The following CEP350 variants were observed in gnomAD, a reference collection of about 807,000 sequenced individuals.
The protein encoded by CEP350 is centrosome-associated protein 350.
A neutral mutation model predicts 331.8 loss-of-function variants in CEP350; 126 were observed. The observed-to-expected ratio is 0.38, with a 90% CI of 0.33 to 0.44. The LOEUF is 0.44. CEP350 is among the 20% of genes least tolerant of loss of function. The pLI is 1.00. For synonymous variants in CEP350, 1,200 were observed against 1,259.5 expected, an observed-to-expected ratio of 0.95 and a Z score of 1.00; for missense variants, 3,406 against 3,634.6, an observed-to-expected ratio of 0.94 and a Z score of 1.62.
At chr1:179,975,231 A>C (rs556586547) in intron 1 of CEP350, among the ~76,000 whole-genome samples, 1 of 152,278 alleles carries the variant, frequency 6.6e-6, no homozygotes, top group South Asian at 2.1e-4. Flanking sequence ...TCGACAGGAA[A>C]GTAGTTATAC....
At chr1:179,995,778 G>A (rs1434016975) in intron 5 of CEP350, among the ~76,000 whole-genome samples, 1 of 152,146 alleles carries the variant, frequency 6.6e-6, no homozygotes, top group Non-Finnish European at 1.5e-5. Flanking sequence ...TTCTAGATAC[G>A]CTTTACAAAG....
chr1:180,001,814 G>A (rs544544234), intron 6 of CEP350, among the ~76,000 whole-genome samples: 12 of 152,276 alleles, frequency 7.9e-5, no homozygotes, highest in African/African-American at 2.6e-4. Flanking sequence ...TAAATCTGGA[G>A]AAGGGTAGTT....
At chr1:179,986,033 T>G (rs1412222835) in intron 1 of CEP350, 136 bp from the exon 2 acceptor site, 12 of 630,716 alleles carry the variant, frequency 1.9e-5, no homozygotes. Context: ...TTATTTTGTG[T>G]GTTTTTGATA....
Position 179,954,892 on chromosome 1 carries a change from G to A in CEP350, c.-264G>A. On this transcript the variant is annotated 5_prime_UTR_variant, in exon 1 of 38. Transcript: ENST00000367607. ...GGAGCGGGGCCAGACCTGCGCCAGA[G>A]AGAACTGCAGGGAGCCGCAGCTCGG... 1 of 534,036 alleles carries A rather than the reference G, an allele frequency of 1.9e-6. No individual in the cohort carries two copies. Among genetic ancestry groups the A allele is most frequent in the Non-Finnish European group, 3.0e-6 (1 of 335,594 alleles). The allele number at this position is 534,036 out of a possible 1,614,324, so 33.1% of individuals were successfully genotyped here. A position where few individuals can be genotyped will look rare whatever the true frequency, so the allele number is the denominator to read the frequency against.
chr1:179,955,024 C>G lies in CEP350; in HGVS notation c.-132C>G, dbSNP rs1205944696. 1 of 1,331,704 alleles carries G rather than the reference C, an allele frequency of 7.5e-7. No homozygotes were observed. The highest frequency in any genetic ancestry group is 9.6e-7 in the Non-Finnish European group (1 of 1,040,380). 82.5% of individuals were successfully genotyped at this position (1,331,704 alleles called of 1,614,324 possible). ...GTGCGAGGAGGGCACCCGGTGCGTCCCCGGAGCGGGGAGGCCAGGCCGGGC... is the reference window on the plus strand; with the variant it reads ...GTGCGAGGAGGGCACCCGGTGCGTCGCCGGAGCGGGGAGGCCAGGCCGGGC... On this transcript the variant is annotated 5_prime_UTR_variant, in exon 1 of 38. Coordinates refer to ENST00000367607, the MANE Select transcript of CEP350 (RefSeq NM_014810.5).
At chr1:180,019,265 A>G (rs1010759919) in intron 11 of CEP350, among the ~76,000 whole-genome samples, 3 of 152,180 alleles carry the variant, frequency 2.0e-5, no homozygotes, top group African/African-American at 7.2e-5. Context: ...AATACACATA[A>G]TGTTGTTTAG....
At chr1:180,019,781 C>T (rs1355641519) in intron 11 of CEP350, among the ~76,000 whole-genome samples, 168 bp from the exon 12 acceptor site, 1 of 152,056 alleles carries the variant, frequency 6.6e-6, no homozygotes, top group Non-Finnish European at 1.5e-5. Context: ...GAAATATTAA[C>T]AGTGCCTCTT....
rs540445045 is a variant in CEP350 at position 179,968,155 on chromosome 1, A to G, written c.-14+13013A>G. Among the ~76,000 whole-genome samples the G allele has an allele frequency of 1.9e-3, 292 of 152,150 alleles. 2 individuals are homozygous for G. The highest frequency in any genetic ancestry group is 6.8e-3 in the Middle Eastern group (2 of 294). ...AGACCAGCCTGGCCAACATGGCGAAACCCCATCTCTACTAAAAATATAAAA... is the reference window on the plus strand; with the variant it reads ...AGACCAGCCTGGCCAACATGGCGAAGCCCCATCTCTACTAAAAATATAAAA... On this transcript the variant is annotated intron_variant, in intron 1 of 37. Transcript: ENST00000367607.
chr1:180,031,200 G>A (rs1316822595), intron 14 of CEP350, 120 bp from the exon 15 acceptor site: 2 of 565,464 alleles, frequency 3.5e-6, no homozygotes, highest in Non-Finnish European at 6.0e-6. Context: ...TATAGTATAA[G>A]TCAAATTTTA....
Position 180,094,593 on chromosome 1 carries a change from T to C in CEP350, c.8488T>C (p.Ser2830Pro). 1 of 1,613,616 alleles carries C rather than the reference T, an allele frequency of 6.2e-7. No individual in the cohort carries two copies. The highest frequency in any genetic ancestry group is 8.5e-7 in the Non-Finnish European group (1 of 1,179,742). Residue 2830 changes from serine to proline, a missense_variant, in exon 34 of 38, where the codon TCT becomes CCT. Ser to Pro is a moderately conservative substitution (Grantham distance 74, BLOSUM62 -1). Transcript: ENST00000367607. ...ELEDEKEEISSPDMCPRPESP... is the reference protein window; with the variant it reads ...ELEDEKEEISPPDMCPRPESP... Reference sequence around the variant, plus strand: ...GGAAGATGAAAAAGAAGAGATTTCCTCTCCAGATATGTGTCCCAGACCGGT... The same window carrying C: ...GGAAGATGAAAAAGAAGAGATTTCCCCTCCAGATATGTGTCCCAGACCGGT...
chr1:180,084,249 T>G, intron 31 of CEP350, 71 bp downstream of exon 31: 1 of 1,327,746 alleles, frequency 7.5e-7, no homozygotes, highest in Non-Finnish European at 9.8e-7. Flanking sequence ...GTTTTTAATG[T>G]TGTTAATAAA....
chr1:180,029,494 T>C (rs1655874420), intron 14 of CEP350, among the ~76,000 whole-genome samples: 1 of 152,206 alleles, frequency 6.6e-6, no homozygotes, highest in Non-Finnish European at 1.5e-5. Flanking sequence ...TAATATTCTG[T>C]TTTAAGTGTA....
intron 16 of CEP350, among the ~76,000 whole-genome samples, chr1:180,035,683 AT>A (rs1553257727): frequency 6.6e-6 from 1 of 152,012 alleles, no homozygotes; most frequent in Non-Finnish European, 1.5e-5. Flanking sequence ...AAAATAAAAG[AT>A]TTTTTTCAAA....
chr1:180,004,906 G>GCTTGCTTTCTTT lies in CEP350; in HGVS notation c.1133-1545_1133-1544insGCTTTCTTTCTT, dbSNP rs1363516834. ...TGCTTGCTTGCTTGCTTGCTTGCTT[G>GCTTGCTTTCTTT]CTTTCTTTCTTTCTTTCTTTCTTTC... On this transcript the variant is annotated intron_variant, in intron 7 of 37. Transcript: ENST00000367607. 3.6e-3 allele frequency among the ~76,000 whole-genome samples: 476 copies of GCTTGCTTTCTTT among 130,768 alleles called. 5 individuals are homozygous for GCTTGCTTTCTTT. The highest frequency in any genetic ancestry group is 9.4e-3 in the African/African-American group (304 of 32,310). 85.8% of individuals were successfully genotyped at this position (130,768 alleles called of 152,430 possible).
At chr1:180,065,453 C>T (rs1658492082) in intron 27 of CEP350, among the ~76,000 whole-genome samples, 181 bp downstream of exon 27, 1 of 152,002 alleles carries the variant, frequency 6.6e-6, no homozygotes, top group South Asian at 2.1e-4. Context: ...ATTTATAAAA[C>T]AATTTTAATA....
chr1:179,965,787 AT>A (rs574449124), intron 1 of CEP350, among the ~76,000 whole-genome samples: 10 of 147,254 alleles, frequency 6.8e-5, no homozygotes, highest in Admixed American at 6.8e-5. Context: ...CACCTGGCTA[AT>A]TTTTTTTTTG....
In CEP350 at chr1:180,075,571, A is replaced by G. The variant is rs191552176; in HGVS notation, c.5767+350A>G. On this transcript the variant is annotated intron_variant, in intron 28 of 37. Coordinates refer to ENST00000367607, the MANE Select transcript of CEP350 (RefSeq NM_014810.5). The stretch of plus-strand genomic sequence containing the variant: ...GGTGACAGAGTGAGACTCTGTCTCT[A>G]AAAATAAAATAAAATTAAAATGCAA... Among the ~76,000 whole-genome samples, 671 of 152,226 alleles carry G rather than the reference A, an allele frequency of 4.4e-3. 6 individuals carry two copies. Among genetic ancestry groups the G allele is most frequent in the Non-Finnish European group, 4.8e-3 (326 of 68,002 alleles).
chr1:179,996,737 G>T lies in CEP350; in HGVS notation c.580G>T (p.Val194Phe). The change falls in exon 6 of 38, where the codon GTT becomes TTT. Residue 194 changes from valine to phenylalanine, a missense_variant. By Grantham distance (50) the Val-to-Phe change is conservative (BLOSUM62 -1). Transcript: ENST00000367607. ...ATCATCTGTCATCAATGATACAGTT[G>T]TTAGGTTTTTAAATGATCGACCAGC... The part of the protein sequence containing the change: ...SQSSVINDTV[V>F]RFLNDRPAID... 6 of 1,613,610 alleles carry T rather than the reference G, an allele frequency of 3.7e-6. No individual in the cohort carries two copies. The highest frequency in any genetic ancestry group is 5.1e-6 in the Non-Finnish European group (6 of 1,179,674).
rs1661535919 is a variant in CEP350 at position 180,113,114 on chromosome 1, G to C, written c.*1953G>C. The C allele has an allele frequency of 6.6e-6, 1 of 152,564 alleles. No homozygotes were observed. The highest frequency in any genetic ancestry group is 1.5e-5 in the Non-Finnish European group (1 of 68,012). The allele number at this position is 152,564 out of a possible 1,614,324, so 9.5% of individuals were successfully genotyped here. ...AGTAGTGTGGAAATACTAGTTTTAT[G>C]TGGCCAAGGAAAAGCAAAGGCTTTT... On this transcript the variant is annotated 3_prime_UTR_variant, in exon 38 of 38. Coordinates refer to ENST00000367607, the MANE Select transcript of CEP350 (RefSeq NM_014810.5).
Sources: gnomAD v4.1 joint callset for allele counts (sites outside exome capture counted in the v4.1 genomes callset) on GRCh38, gnomAD v4.1.1 for gene constraint, MANE v1.5 for transcripts, NCBI Gene and HGNC (gene_info 2026-07-23, HGNC 2026-07-21) for gene names.